Variants in SRGAP1 observed in about 807,000 individuals in gnomAD.
The protein encoded by SRGAP1 is SLIT-ROBO Rho GTPase-activating protein 1.
SRGAP1 carries 43 observed loss-of-function variants against 121.9 expected under a neutral mutation model. That is an observed-to-expected ratio of 0.35 (90% CI 0.28 to 0.46). The LOEUF (loss-of-function observed/expected upper bound fraction) is 0.46. SRGAP1 is among the 20% of genes least tolerant of loss of function. The pLI, the probability that SRGAP1 is intolerant of heterozygous loss-of-function variation, is 1.00. For missense variants in SRGAP1, 1,102 were observed against 1,350.9 expected (o/e 0.82, Z 2.89); for synonymous variants, 447 against 485.4 (o/e 0.92, Z 1.04).
intron 7 of SRGAP1, among the ~76,000 whole-genome samples, chr12:64,064,732 C>T (rs2035507233): frequency 6.6e-6 from 1 of 152,200 alleles, no homozygotes; most frequent in Non-Finnish European, 1.5e-5. Context: ...AGACCCTAAC[C>T]AGTAAGCCCT....
intron 3 of SRGAP1, among the ~76,000 whole-genome samples, chr12:63,991,674 C>T (rs2033560080): frequency 6.6e-6 from 1 of 152,104 alleles, no homozygotes; most frequent in African/African-American, 2.4e-5. Context: ...GGGCAGGAGA[C>T]TACGATGACA....
chr12:64,025,463 C>T (rs549810382), intron 4 of SRGAP1, among the ~76,000 whole-genome samples: 3 of 152,166 alleles, frequency 2.0e-5, no homozygotes, highest in Admixed American at 2.0e-4. Context: ...TGTTTTAGCT[C>T]AAGGGCATTT....
intron 21 of SRGAP1, among the ~76,000 whole-genome samples, chr12:64,136,262 G>A (rs2036854560): frequency 1.3e-5 from 2 of 152,148 alleles, no homozygotes; most frequent in Non-Finnish European, 2.9e-5. Flanking sequence ...AGGTACTTTG[G>A]AAGCTGAGGC....
chr12:63,964,992 C>T (rs1485758586), intron 1 of SRGAP1, among the ~76,000 whole-genome samples: 1 of 152,158 alleles, frequency 6.6e-6, no homozygotes, highest in Non-Finnish European at 1.5e-5. Flanking sequence ...GCTTTAGAGC[C>T]AGACAAAGAT....
intron 1 of SRGAP1, among the ~76,000 whole-genome samples, chr12:63,884,384 T>A (rs928147347): frequency 5.3e-5 from 8 of 152,322 alleles, no homozygotes; most frequent in Non-Finnish European, 1.0e-4. Context: ...GTAGATTTTT[T>A]AAATTTTGTA....
At chr12:63,850,826 T>C (rs1039476562) in intron 1 of SRGAP1, among the ~76,000 whole-genome samples, 8 of 152,158 alleles carry the variant, frequency 5.3e-5, no homozygotes, top group African/African-American at 1.9e-4. Flanking sequence ...GTCTAATTAG[T>C]CTATTTATGC....
In SRGAP1 at chr12:64,080,345, C is replaced by G. The variant is rs2035815303; in HGVS notation, c.1383C>G (p.Asp461Glu). The change falls in exon 10 of 22, where the codon GAC becomes GAG. Residue 461 changes from aspartate (D) to glutamate (E), a missense_variant. Physicochemically the swap from Asp to Glu is conservative, Grantham distance 45 (BLOSUM62 2). Around this residue, in one of 3 missense-constraint regions of SRGAP1, gnomAD observed 747 missense variants for 929.4 expected, o/e 0.80. Coordinates refer to ENST00000355086, the MANE Select transcript of SRGAP1 (RefSeq NM_020762.4). Reference protein sequence around the residue: ...NLITKLQAKHDLLQRTLGEGH... With the variant: ...NLITKLQAKHELLQRTLGEGH... ...TCACAAAACTTCAAGCCAAACATGACTTGCTGCAGAGGACCCTGGGAGAAG... is the reference window on the plus strand; with the variant it reads ...TCACAAAACTTCAAGCCAAACATGAGTTGCTGCAGAGGACCCTGGGAGAAG... The G allele has an allele frequency of 1.3e-5, 21 of 1,613,718 alleles. No homozygotes were observed. The highest frequency in any genetic ancestry group is 1.7e-5 in the Non-Finnish European group (20 of 1,179,798).
At chr12:63,995,801 G>A (rs1055949208) in intron 3 of SRGAP1, among the ~76,000 whole-genome samples, 2 of 151,896 alleles carry the variant, frequency 1.3e-5, no homozygotes, top group African/African-American at 2.4e-5. Flanking sequence ...AGAAAGGAAA[G>A]GTTACTAGTA....
rs1898839958 is a variant in SRGAP1 at position 63,844,738 on chromosome 12, C to T, written c.-79C>T. ...GGATTGCCTGCGTGTGGGAGTACAA[C>T]TCTGCCTCTCCAAGGAGAACGGGTT... is the stretch of plus-strand genomic sequence containing the variant. On this transcript the variant is annotated 5_prime_UTR_variant, in exon 1 of 22. Coordinates refer to ENST00000355086, the MANE Select transcript of SRGAP1 (RefSeq NM_020762.4). This position sits in a 1 kb window ranked among gnomAD's most constrained non-coding sequence, Gnocchi z 4.3. The T allele has an allele frequency of 1.4e-6, 2 of 1,436,784 alleles. No homozygotes were observed. Among genetic ancestry groups the T allele is most frequent in the South Asian group, 1.1e-5 (1 of 87,434 alleles). The allele number at this position is 1,436,784 out of a possible 1,614,324, so 89.0% of individuals were successfully genotyped here.
chr12:63,945,170 T>C (rs963913575), intron 1 of SRGAP1, among the ~76,000 whole-genome samples: 15 of 152,216 alleles, frequency 9.9e-5, no homozygotes, highest in African/African-American at 3.6e-4. Context: ...CTCAGCACTT[T>C]TACTTTTAAC....
chr12:63,978,444 T>C (rs1197197640), intron 1 of SRGAP1, among the ~76,000 whole-genome samples: 2 of 152,202 alleles, frequency 1.3e-5, no homozygotes, highest in Non-Finnish European at 2.9e-5. Flanking sequence ...GGACCTTTCA[T>C]AGGAATGAAA....
At chr12:64,049,175 C>G (rs1565656544) in intron 6 of SRGAP1, among the ~76,000 whole-genome samples, 1 of 152,112 alleles carries the variant, frequency 6.6e-6, no homozygotes, top group Non-Finnish European at 1.5e-5. Flanking sequence ...GATTTGATTT[C>G]TGTGTATAGT....
intron 1 of SRGAP1, among the ~76,000 whole-genome samples, chr12:63,845,761 A>T (rs1898883261): frequency 1.3e-5 from 2 of 152,270 alleles, no homozygotes; most frequent in Admixed American, 1.3e-4. Flanking sequence ...CTCTTTCCTG[A>T]GGTCTCAGGA....
At chr12:64,054,852 G>C (rs1464506120) in intron 6 of SRGAP1, among the ~76,000 whole-genome samples, 8 of 150,190 alleles carry the variant, frequency 5.3e-5, no homozygotes, top group Non-Finnish European at 8.9e-5. Flanking sequence ...TTGTCATCTA[G>C]CATTAGGTAT....
intron 3 of SRGAP1, among the ~76,000 whole-genome samples, chr12:64,016,100 G>C (rs1565640658): frequency 1.3e-5 from 2 of 152,050 alleles, no homozygotes; most frequent in Non-Finnish European, 2.9e-5. Context: ...AATAATAAAT[G>C]CAGAGGTAAA....
intron 16 of SRGAP1, among the ~76,000 whole-genome samples, chr12:64,111,118 CT>C (rs1387337728): frequency 6.6e-6 from 1 of 152,152 alleles, no homozygotes; most frequent in African/African-American, 2.4e-5. Context: ...TACTAGACAA[CT>C]GGAAATCTCC....
intron 3 of SRGAP1, among the ~76,000 whole-genome samples, chr12:64,012,460 C>T (rs964684794): frequency 3.3e-5 from 5 of 150,142 alleles, no homozygotes; most frequent in Non-Finnish European, 7.4e-5. Flanking sequence ...GATTGCTTTT[C>T]TTAATACTTA....
chr12:64,085,264 A>G (rs946197571), intron 10 of SRGAP1, among the ~76,000 whole-genome samples: 1 of 152,198 alleles, frequency 6.6e-6, no homozygotes, highest in Non-Finnish European at 1.5e-5. Context: ...GTGAGTTAAT[A>G]TATGTAATAT....
Position 64,142,769 on chromosome 12 carries a change from T to G in SRGAP1, c.*97T>G, listed in dbSNP as rs894522082. On this transcript the variant is annotated 3_prime_UTR_variant, in exon 22 of 22. Transcript: ENST00000355086. ...TCCATAACTTTCCTTAGTTTTGTGC[T>G]TATAACTGGAGATCTTTTGGCTTTT... 6.8e-7 allele frequency: 1 copy of G among 1,479,768 alleles called. No homozygotes were observed. Among genetic ancestry groups the G allele is most frequent in the Non-Finnish European group, 9.0e-7 (1 of 1,105,500 alleles). 91.7% of individuals were successfully genotyped at this position (1,479,768 alleles called of 1,614,324 possible). A position where few individuals can be genotyped will look rare whatever the true frequency, so the allele number is the denominator to read the frequency against.
Sources: allele counts gnomAD v4.1 joint callset (sites outside exome capture counted in the v4.1 genomes callset), GRCh38; gene constraint gnomAD v4.1.1; regional missense constraint gnomAD v4.1.1; non-coding constraint Gnocchi (gnomAD v3.1); transcripts MANE v1.5; gene names NCBI Gene and HGNC (gene_info 2026-07-23, HGNC 2026-07-21).